VWDE: variants seen among roughly 807,000 people sequenced by gnomAD.
VWDE encodes the protein von Willebrand factor D and EGF domain-containing protein.
A neutral mutation model predicts 178.4 loss-of-function variants in VWDE; 207 were observed. That is an observed-to-expected ratio of 1.16 (90% CI 1.04 to 1.30). The LOEUF (loss-of-function observed/expected upper bound fraction) is 1.30. VWDE is among the 50% of genes most tolerant of loss of function. The pLI, the probability that VWDE is intolerant of heterozygous loss-of-function variation, is 0.00. For missense variants in VWDE, 2,287 were observed against 1,901.3 expected, an observed-to-expected ratio of 1.20 and a Z score of -3.77; for synonymous variants, 738 against 651.4, an observed-to-expected ratio of 1.13 and a Z score of -2.02.
intron 24 of VWDE, among the ~76,000 whole-genome samples, chr7:12,339,520 G>T (rs369288038): frequency 3.3e-5 from 5 of 152,054 alleles, no homozygotes; most frequent in African/African-American, 1.2e-4. Context: ...TCCTGTGTTA[G>T]CGGGATGACT....
intron 2 of VWDE, among the ~76,000 whole-genome samples, chr7:12,392,934 G>A (rs1784454074): frequency 6.6e-6 from 1 of 152,058 alleles, no homozygotes; most frequent in African/African-American, 2.4e-5. Context: ...AAAAAGGTAT[G>A]CTGGCTGCAC....
rs1371553312 is a variant in VWDE, at chr7:12,380,510, G to A, written c.765C>T (p.Gly255=). 3.9e-6 allele frequency: 6 copies of A among 1,551,642 alleles called. No homozygotes were observed. The Admixed American group carries it at 1.2e-4, about 30-fold the overall frequency. ...CCCTGTCTCCAAGTCTGAGATTTATGCCATCAAGTTCTAAAAGAGAGAATG... is the reference window on the plus strand; with the variant it reads ...CCCTGTCTCCAAGTCTGAGATTTATACCATCAAGTTCTAAAAGAGAGAATG... ...VQAFSLLELD[G]INLRLGDRIF... is the part of the protein sequence containing the mutation. Residue 255 remains glycine (G), a synonymous_variant, in exon 5 of 29, where the codon GGC becomes GGT. Transcript: ENST00000275358.
chr7:12,388,516 A>G (rs1468520789), intron 3 of VWDE, among the ~76,000 whole-genome samples: 1 of 152,202 alleles, frequency 6.6e-6, no homozygotes, highest in Non-Finnish European at 1.5e-5. Flanking sequence ...AATTCTTTAA[A>G]GACGCTTCGT....
intron 13 of VWDE, 69 bp from the exon 14 acceptor site, chr7:12,361,590 A>G (rs1782583888): frequency 7.3e-7 from 1 of 1,378,806 alleles, no homozygotes; most frequent in East Asian, 2.6e-5. Flanking sequence ...TAAATTACAT[A>G]TAATGAAAAC....
intron 18 of VWDE, among the ~76,000 whole-genome samples, chr7:12,355,845 T>C (rs771238145): frequency 5.9e-5 from 9 of 152,094 alleles, no homozygotes; most frequent in African/African-American, 9.7e-5. Context: ...CCCTACCAAA[T>C]ACAGGTAGGA....
chr7:12,340,301 A>G (rs1253984259), intron 24 of VWDE, 21 bp downstream of exon 24: 2 of 1,529,042 alleles, frequency 1.3e-6, no homozygotes, highest in Admixed American at 4.0e-5. Flanking sequence ...CCCTTTTTAC[A>G]TACAAAGAAA....
chr7:12,352,056 A>G (rs1377162385), intron 18 of VWDE, among the ~76,000 whole-genome samples: 5 of 152,154 alleles, frequency 3.3e-5, no homozygotes, highest in Non-Finnish European at 1.5e-5. Flanking sequence ...TGCAGGGAAG[A>G]CCTGGTGAGA....
In VWDE at chr7:12,369,669, T is replaced by C. The variant is rs1478334443; in HGVS notation, c.2637A>G (p.Thr879=). The C allele has an allele frequency of 3.9e-6, 6 of 1,551,770 alleles. No individual in the cohort carries two copies. Among genetic ancestry groups the C allele is most frequent in the South Asian group, 1.2e-5 (1 of 84,064 alleles). ...EGKYNTEEYG[T]SIEDILSVLK... The stretch of plus-strand genomic sequence containing the variant: ...ATACTGAGAGAATGTCTTCAATTGA[T>C]GTGCCATACTCTTCTGTGTTATATT... Residue 879 remains threonine (T), a synonymous_variant, in exon 12 of 29, where the codon ACA becomes ACG. Coordinates refer to ENST00000275358, the MANE Select transcript of VWDE (RefSeq NM_001135924.3).
chr7:12,343,904 T>C (rs969437468), intron 21 of VWDE, among the ~76,000 whole-genome samples: 3 of 152,052 alleles, frequency 2.0e-5, no homozygotes, highest in African/African-American at 7.2e-5. Context: ...GCTAAAACAT[T>C]TGTAGATATA....
At chr7:12,379,026 T>TA (rs1783689628) in intron 6 of VWDE, among the ~76,000 whole-genome samples, 1 of 152,160 alleles carries the variant, frequency 6.6e-6, no homozygotes, top group African/African-American at 2.4e-5. Context: ...TGGATCCTAT[T>TA]GCCACCAGCA....
chr7:12,373,361 G>C (rs1783322562), intron 9 of VWDE, 114 bp from the exon 10 acceptor site: 1 of 1,086,774 alleles, frequency 9.2e-7, no homozygotes, highest in African/African-American at 1.6e-5. Flanking sequence ...TGCACTGAAG[G>C]AAACAAAGTA....
At position 12,367,423 on chromosome 7, in the gene VWDE, C is replaced by T. The variant is rs779015002; in HGVS notation, c.2832G>A (p.Met944Ile). Residue 944 changes from methionine (M) to isoleucine (I), a missense_variant, in exon 13 of 29, where the codon ATG (methionine) becomes ATA (isoleucine). Transcript: ENST00000275358. ...TGAAGCCTTTGCCAAAAACTCTCAC[C>T]ATCATACAATTATATTTTTGAACAT... ...FCDVQKYNCM[M>I]VRVFGKGFKE... 1.9e-6 allele frequency: 3 copies of T among 1,546,364 alleles called. No individual in the cohort carries two copies. Among genetic ancestry groups the T allele is most frequent in the Non-Finnish European group, 1.7e-6 (2 of 1,144,224 alleles).
chr7:12,364,924 A>T (rs1782778845), intron 13 of VWDE, among the ~76,000 whole-genome samples: 1 of 152,132 alleles, frequency 6.6e-6, no homozygotes, highest in South Asian at 2.1e-4. Flanking sequence ...CCGTGATTAG[A>T]TACATTGCAT....
At chr7:12,370,890 A>G in intron 10 of VWDE, 26 bp from the exon 11 acceptor site, 1 of 1,475,014 alleles carries the variant, frequency 6.8e-7, no homozygotes, top group South Asian at 1.4e-5. Flanking sequence ...AAATACAGAA[A>G]TAAAAGATGT....
At chr7:12,335,019 A>C (rs1301021619) in intron 27 of VWDE, among the ~76,000 whole-genome samples, 1 of 152,186 alleles carries the variant, frequency 6.6e-6, no homozygotes, top group African/African-American at 2.4e-5. Flanking sequence ...ATTACTAATA[A>C]ATTAGGGTCT....
In VWDE at chr7:12,403,713, G is replaced by C; in HGVS notation, c.4C>G (p.Pro2Ala). Reference protein sequence around the residue: MPGGACVLVIAL... With the variant: MAGGACVLVIAL... ...ATCACCAGCACGCAGGCTCCGCCAG[G>C]CATCGCTGCTTCCGCAGGTGGGGCG... The change falls in exon 1 of 29, where the codon CCT becomes GCT. Residue 2 changes from proline (P) to alanine (A), a missense_variant. By Grantham distance (27) the Pro-to-Ala change is conservative. Transcript: ENST00000275358. 6.5e-7 allele frequency: 1 copy of C among 1,550,056 alleles called. No individual in the cohort carries two copies. Among genetic ancestry groups the C allele is most frequent in the South Asian group, 1.2e-5 (1 of 84,022 alleles).
chr7:12,385,051 T>C (rs1477186819), intron 3 of VWDE, among the ~76,000 whole-genome samples: 2 of 152,132 alleles, frequency 1.3e-5, no homozygotes, highest in Non-Finnish European at 2.9e-5. Context: ...TCTAAATAAA[T>C]AATATTTCAA....
chr7:12,336,888 G>C, intron 26 of VWDE, 100 bp downstream of exon 26: 2 of 1,171,466 alleles, frequency 1.7e-6, no homozygotes, highest in Non-Finnish European at 1.2e-6. Context: ...ATTTTAAAAA[G>C]ACCAAGCAAA....
chr7:12,383,033 TG>T (rs1189978222), intron 4 of VWDE, among the ~76,000 whole-genome samples: 1 of 151,880 alleles, frequency 6.6e-6, no homozygotes, highest in Non-Finnish European at 1.5e-5. Context: ...AAAAAGGCAT[TG>T]TTGTATTGTA....
Sources: gnomAD v4.1 joint callset for allele counts (sites outside exome capture counted in the v4.1 genomes callset) on GRCh38, gnomAD v4.1.1 for gene constraint, MANE v1.5 for transcripts, NCBI Gene and HGNC (gene_info 2026-07-23, HGNC 2026-07-21) for gene names.